Variants in STAG1 observed in about 807,000 individuals in gnomAD.
STAG1 encodes the protein STAG1 cohesin complex component.
Under a neutral mutation model 170.9 loss-of-function variants are expected in STAG1, and 26 were observed. The observed-to-expected ratio is 0.15, with a 90% CI of 0.11 to 0.21. The LOEUF is 0.21. Ranked by LOEUF, STAG1 falls within the 10% of genes least tolerant of loss-of-function variation. STAG1 has a pLI of 1.00. For missense variants in STAG1, 964 were observed against 1,509.5 expected, an observed-to-expected ratio of 0.64 and a Z score of 5.99; for synonymous variants, 514 against 497.7, an observed-to-expected ratio of 1.03 and a Z score of -0.44.
chr3:136,555,105 ATATAT>A (rs1377877580), intron 5 of STAG1, among the ~76,000 whole-genome samples: 4 of 147,764 alleles, frequency 2.7e-5, no homozygotes, highest in Non-Finnish European at 6.0e-5. Flanking sequence ...TTTATAATAT[ATATAT>A]TATAAATATA....
chr3:136,410,630 A>G (rs1315155651), intron 21 of STAG1, among the ~76,000 whole-genome samples: 1 of 152,242 alleles, frequency 6.6e-6, no homozygotes, highest in Non-Finnish European at 1.5e-5. Context: ...AAACATATGT[A>G]AAGACTTAAA....
At position 136,463,735 on chromosome 3, in the gene STAG1, A is replaced by G. The variant is rs868177107; in HGVS notation, c.1313+1146T>C. On this transcript the variant is annotated intron_variant, in intron 13 of 33. Transcript: ENST00000383202. ...TCTCTAAAAAAAAAAAAATGTGTAT[A>G]TGTGTGTGTGTGTGTGTGTGTGTGT... Among the ~76,000 whole-genome samples the G allele has an allele frequency of 2.5e-3, 250 of 101,214 alleles. 2 individuals carry two copies. The highest frequency in any genetic ancestry group is 5.5e-3 in the African/African-American group (158 of 28,960). The allele number at this position is 101,214 out of a possible 152,430, so 66.4% of individuals were successfully genotyped here. A position where few individuals can be genotyped will look rare whatever the true frequency, so the allele number is the denominator to read the frequency against.
At chr3:136,708,330 G>C (rs938387066) in intron 1 of STAG1, among the ~76,000 whole-genome samples, 1 of 151,744 alleles carries the variant, frequency 6.6e-6, no homozygotes, top group Non-Finnish European at 1.5e-5. Flanking sequence ...CTATAACTTC[G>C]ATAAACATTG....
intron 3 of STAG1, 113 bp downstream of exon 3, chr3:136,623,033 G>A: frequency 1.2e-6 from 1 of 838,904 alleles, no homozygotes; most frequent in Non-Finnish European, 1.9e-6. Flanking sequence ...TCTCTATTGT[G>A]TCACTGAATT....
intron 22 of STAG1, among the ~76,000 whole-genome samples, chr3:136,386,460 A>T (rs891742994): frequency 3.3e-5 from 5 of 152,202 alleles, no homozygotes; most frequent in Non-Finnish European, 5.9e-5. Context: ...ATTAGAAAGA[A>T]GCTTTCCTAA....
chr3:136,349,466 C>T (rs1936353351), intron 28 of STAG1, 103 bp from the exon 29 acceptor site: 5 of 796,482 alleles, frequency 6.3e-6, no homozygotes, highest in Non-Finnish European at 1.0e-5. Flanking sequence ...CTGAAGAATA[C>T]CTAAGGACAC....
At chr3:136,573,230 T>C (rs1039283984) in intron 4 of STAG1, among the ~76,000 whole-genome samples, 4 of 150,926 alleles carry the variant, frequency 2.7e-5, no homozygotes, top group Admixed American at 2.0e-4. Context: ...CAAGGAGTCA[T>C]GTATGAGCCT....
intron 5 of STAG1, among the ~76,000 whole-genome samples, chr3:136,559,274 C>T (rs1936747010): frequency 6.6e-6 from 1 of 152,010 alleles, no homozygotes; most frequent in South Asian, 2.1e-4. Flanking sequence ...TAGTTTCTAT[C>T]CCCCAGATGC....
At chr3:136,471,107 C>A (rs895596490) in intron 12 of STAG1, among the ~76,000 whole-genome samples, 6 of 107,192 alleles carry the variant, frequency 5.6e-5, no homozygotes, top group Non-Finnish European at 1.2e-4. Flanking sequence ...CACATGTACC[C>A]CAGAAGTTAA....
intron 12 of STAG1, among the ~76,000 whole-genome samples, chr3:136,468,980 C>T (rs996119949): frequency 2.6e-5 from 4 of 152,226 alleles, no homozygotes; most frequent in African/African-American, 4.8e-5. Flanking sequence ...ATTGATGGGA[C>T]GTATCTCAAA....
chr3:136,712,426 TAAG>T (rs1164531483), intron 1 of STAG1, among the ~76,000 whole-genome samples: 4 of 152,102 alleles, frequency 2.6e-5, no homozygotes, highest in African/African-American at 9.7e-5. Context: ...TGCCTTATAT[TAAG>T]AATATATAAA....
At chr3:136,660,432 G>A (rs1254773360) in intron 1 of STAG1, among the ~76,000 whole-genome samples, 1 of 152,024 alleles carries the variant, frequency 6.6e-6, no homozygotes, top group African/African-American at 2.4e-5. Context: ...TAATTCAAGT[G>A]AATAAGCAGA....
At chr3:136,577,866 T>C (rs550331762) in intron 4 of STAG1, among the ~76,000 whole-genome samples, 12 of 152,340 alleles carry the variant, frequency 7.9e-5, no homozygotes, top group African/African-American at 2.9e-4. Context: ...TACTAGAGAT[T>C]CCAGACTTCA....
intron 21 of STAG1, among the ~76,000 whole-genome samples, chr3:136,407,406 T>C (rs1031886273): frequency 1.3e-5 from 2 of 152,260 alleles, no homozygotes; most frequent in Admixed American, 6.5e-5. Context: ...TTTCATGTTT[T>C]TGGCACTACT....
At chr3:136,580,384 A>T (rs189207037) in intron 4 of STAG1, among the ~76,000 whole-genome samples, 63 of 152,308 alleles carry the variant, frequency 4.1e-4, no homozygotes, top group Non-Finnish European at 8.2e-4. Context: ...CTGTGGTGAC[A>T]ATATTAACAT....
intron 28 of STAG1, among the ~76,000 whole-genome samples, chr3:136,356,143 G>T (rs1272659849): frequency 6.6e-6 from 1 of 150,588 alleles, no homozygotes; most frequent in East Asian, 1.9e-4. Context: ...TCCCACCTCA[G>T]CCTCCGGAAT....
At chr3:136,467,286 T>A (rs1048425824) in intron 12 of STAG1, among the ~76,000 whole-genome samples, 2 of 151,960 alleles carry the variant, frequency 1.3e-5, no homozygotes, top group African/African-American at 4.8e-5. Context: ...GAGACACACA[T>A]AGGCGCAAAA....
intron 1 of STAG1, among the ~76,000 whole-genome samples, chr3:136,682,657 T>C (rs1036373147): frequency 1.3e-5 from 2 of 151,712 alleles, no homozygotes; most frequent in Middle Eastern, 3.2e-3. Context: ...AGAAATAAAA[T>C]ACCTCGGAAT....
chr3:136,464,503 T>A (rs2089395049), intron 13 of STAG1, among the ~76,000 whole-genome samples: 1 of 152,036 alleles, frequency 6.6e-6, no homozygotes, highest in East Asian at 1.9e-4. Flanking sequence ...ATTTTAAAGG[T>A]GATACTGCTT....
Sources: gnomAD v4.1 joint callset for allele counts (sites outside exome capture counted in the v4.1 genomes callset) on GRCh38, gnomAD v4.1.1 for gene constraint, MANE v1.5 for transcripts, NCBI Gene and HGNC (gene_info 2026-07-23, HGNC 2026-07-21) for gene names.